Variants in DHRSX observed in about 807,000 individuals in gnomAD.
DHRSX encodes the protein dehydrogenase/reductase X-linked, also known as polyprenol dehydrogenase.
A neutral mutation model predicts 34.0 loss-of-function variants in DHRSX; 31 were observed. The ratio of observed to expected loss-of-function variants is 0.91; its 90% confidence interval spans 0.69 to 1.23. The LOEUF (loss-of-function observed/expected upper bound fraction) is 1.23. Among genes scored for constraint, DHRSX ranks in the 50% most tolerant of loss-of-function variants. The pLI, the probability that DHRSX is intolerant of heterozygous loss-of-function variation, is 0.00. For synonymous variants in DHRSX, 201 were observed against 183.8 expected (o/e 1.09, Z -0.76); for missense variants, 414 against 428.1 (o/e 0.97, Z 0.29).
At chrX:2,485,519 G>A (rs564701196) in intron 1 of DHRSX, among the ~76,000 whole-genome samples, 1 of 138,998 alleles carries the variant, frequency 7.2e-6, no homozygotes, top group African/African-American at 2.7e-5. Flanking sequence ...GAAGGAAAAC[G>A]AAAGAGGAAG....
intron 2 of DHRSX, among the ~76,000 whole-genome samples, chrX:2,415,837 T>G (rs1487535516): frequency 6.6e-6 from 1 of 151,274 alleles, no homozygotes; most frequent in Non-Finnish European, 1.5e-5. Context: ...CAACTAGACC[T>G]CATAATAACT....
At chrX:2,243,276 G>A (rs765650863) in intron 5 of DHRSX, 46 bp from the exon 6 acceptor site, 1 of 1,549,850 alleles carries the variant, frequency 6.5e-7, no homozygotes, top group Non-Finnish European at 8.9e-7. Flanking sequence ...CGGCGTTCAC[G>A]CCTAAGTGCT....
chrX:2,276,666 G>T (rs2041657087), intron 4 of DHRSX, among the ~76,000 whole-genome samples: 2 of 151,774 alleles, frequency 1.3e-5, no homozygotes, highest in Admixed American at 1.3e-4. Flanking sequence ...GGAGGAGAAG[G>T]GAGAGTTCTC....
intron 5 of DHRSX, among the ~76,000 whole-genome samples, chrX:2,261,027 T>G (rs945721585): frequency 4.6e-5 from 7 of 151,558 alleles, no homozygotes; most frequent in Non-Finnish European, 8.8e-5. Context: ...CTGGCCAACA[T>G]GGTGAAGCCC....
chrX:2,271,504 C>T (rs1351223336), intron 4 of DHRSX, among the ~76,000 whole-genome samples: 1 of 152,160 alleles, frequency 6.6e-6, no homozygotes, highest in Non-Finnish European at 1.5e-5. Flanking sequence ...AGTGCTTCCC[C>T]CTCCTACGTG....
chrX:2,254,414 C>A (rs749494023), intron 5 of DHRSX, among the ~76,000 whole-genome samples: 1 of 152,232 alleles, frequency 6.6e-6, no homozygotes, highest in East Asian at 1.9e-4. Flanking sequence ...AACCTGATGA[C>A]AATCACTGTT....
intron 5 of DHRSX, among the ~76,000 whole-genome samples, chrX:2,253,239 GCCA>G (rs2016476621): frequency 6.6e-6 from 1 of 151,948 alleles, no homozygotes; most frequent in African/African-American, 2.4e-5. Flanking sequence ...CCAAGATGGC[GCCA>G]CGGCACTCCA....
intron 1 of DHRSX, among the ~76,000 whole-genome samples, chrX:2,454,437 G>A (rs1436156664): frequency 6.6e-6 from 1 of 151,514 alleles, no homozygotes; most frequent in East Asian, 1.9e-4. Flanking sequence ...TGAGGCAGGA[G>A]AATTGCTTCA....
At chrX:2,237,000 G>A (rs2016032073) in intron 6 of DHRSX, among the ~76,000 whole-genome samples, 1 of 151,948 alleles carries the variant, frequency 6.6e-6, no homozygotes, top group Non-Finnish European at 1.5e-5. Flanking sequence ...ATCAGCCTGA[G>A]TAACATATCG....
At chrX:2,289,274 C>A (rs910896572) in intron 4 of DHRSX, among the ~76,000 whole-genome samples, 9 of 152,032 alleles carry the variant, frequency 5.9e-5, no homozygotes, top group Admixed American at 2.0e-4. Context: ...CCCGCCACCA[C>A]GCCTGGCTAA....
intron 3 of DHRSX, among the ~76,000 whole-genome samples, chrX:2,385,110 A>ATGTG (rs934167358): frequency 0.23 from 32,975 of 146,136 alleles, 4,684 homozygotes; most frequent in Non-Finnish European, 0.33. Flanking sequence ...TCAAATATAT[A>ATGTG]TGTGTGTGTG....
At chrX:2,320,790 C>A (rs755281664) in intron 3 of DHRSX, among the ~76,000 whole-genome samples, 2 of 151,602 alleles carry the variant, frequency 1.3e-5, no homozygotes, top group African/African-American at 2.4e-5. Context: ...ACTGCCAAGC[C>A]GCTTCGTGGA....
chrX:2,301,513 G>C (rs916444726), intron 3 of DHRSX, among the ~76,000 whole-genome samples: 21 of 152,198 alleles, frequency 1.4e-4, no homozygotes, highest in African/African-American at 5.1e-4. Flanking sequence ...GGTTAGCTTT[G>C]GTCTTATTGC....
At chrX:2,369,204 G>A (rs2043028617) in intron 3 of DHRSX, among the ~76,000 whole-genome samples, 1 of 152,160 alleles carries the variant, frequency 6.6e-6, no homozygotes, top group African/African-American at 2.4e-5. Flanking sequence ...CATGTTGAGA[G>A]ACAGTGGCTA....
intron 1 of DHRSX, among the ~76,000 whole-genome samples, chrX:2,496,796 C>T (rs944831545): frequency 8.0e-5 from 12 of 150,072 alleles, no homozygotes; most frequent in African/African-American, 2.7e-4. Context: ...ATAAAAATAT[C>T]AATTGTTTTT....
At chrX:2,471,032 G>A (rs2044584654) in intron 1 of DHRSX, among the ~76,000 whole-genome samples, 1 of 152,156 alleles carries the variant, frequency 6.6e-6, no homozygotes, top group East Asian at 1.9e-4. Flanking sequence ...ATTGCATGAT[G>A]TGTACGTGGA....
At chrX:2,390,704 T>C (rs1442413061) in intron 3 of DHRSX, among the ~76,000 whole-genome samples, 3 of 152,246 alleles carry the variant, frequency 2.0e-5, no homozygotes, top group Non-Finnish European at 4.4e-5. Context: ...AAAGGTACTC[T>C]GTGTACCTCA....
intron 4 of DHRSX, among the ~76,000 whole-genome samples, chrX:2,272,306 G>A (rs2041568411): frequency 6.6e-6 from 1 of 152,086 alleles, no homozygotes; most frequent in Non-Finnish European, 1.5e-5. Context: ...TGCCTGAAGT[G>A]TCATAAATTC....
chrX:2,420,376 C>T (rs1198119185), intron 2 of DHRSX, among the ~76,000 whole-genome samples: 1 of 149,640 alleles, frequency 6.7e-6, no homozygotes, highest in Non-Finnish European at 1.5e-5. Context: ...CCACTGCACT[C>T]CAGCCTGGGC....
Sources: allele counts gnomAD v4.1 joint callset (sites outside exome capture counted in the v4.1 genomes callset), GRCh38; gene constraint gnomAD v4.1.1; transcripts MANE v1.5; gene names NCBI Gene and HGNC (gene_info 2026-07-23, HGNC 2026-07-21).